Variants in CNTN5 observed in about 807,000 individuals in gnomAD.
CNTN5 encodes contactin-5.
CNTN5 carries 77 observed loss-of-function variants against 129.1 expected under a neutral mutation model. The observed-to-expected ratio is 0.60, with a 90% CI of 0.50 to 0.72. CNTN5 has a LOEUF of 0.72. Among genes scored for constraint, CNTN5 ranks in the 30% least tolerant of loss-of-function variants. The probability of loss-of-function intolerance (pLI) is 0.00; values close to 1 mark genes in which losing one functional copy is unlikely to be tolerated. For missense variants in CNTN5, 1,478 were observed against 1,328.8 expected (o/e 1.11, Z -1.75); for synonymous variants, 509 against 465.6 (o/e 1.09, Z -1.20).
intron 10 of CNTN5, among the ~76,000 whole-genome samples, chr11:100,062,351 A>G (rs929748435): frequency 6.6e-6 from 1 of 152,216 alleles, no homozygotes; most frequent in Non-Finnish European, 1.5e-5. Flanking sequence ...GTATTTTGAA[A>G]TATTAATAAC....
chr11:100,184,462 G>A (rs750398703), intron 13 of CNTN5, among the ~76,000 whole-genome samples: 19 of 152,100 alleles, frequency 1.2e-4, no homozygotes, highest in South Asian at 6.2e-4. Context: ...TGCTGAAAGC[G>A]GATGTATGCC....
rs181279611 is a variant in CNTN5 at position 99,767,726 on chromosome 11, C to G, written c.56-51818C>G. Reference sequence around the variant, plus strand: ...TTCTAAAGACCTGGACCTAAGTACTCTCTAACCTTCTCTTTATCTTGCTGA... The same window carrying G: ...TTCTAAAGACCTGGACCTAAGTACTGTCTAACCTTCTCTTTATCTTGCTGA... On this transcript the variant is annotated intron_variant, in intron 3 of 24. Transcript: ENST00000524871. Among the ~76,000 whole-genome samples, 233 of 151,780 alleles carry G rather than the reference C, an allele frequency of 1.5e-3. 1 individual carries two copies. The highest frequency in any genetic ancestry group is 5.4e-3 in the African/African-American group (223 of 41,456).
intron 3 of CNTN5, among the ~76,000 whole-genome samples, chr11:99,718,816 G>T (rs1245330614): frequency 1.3e-5 from 2 of 152,032 alleles, no homozygotes; most frequent in African/African-American, 4.8e-5. Context: ...GGAAAATAAA[G>T]TTCATAGACT....
At chr11:99,388,512 C>G (rs995380557) in intron 2 of CNTN5, among the ~76,000 whole-genome samples, 1 of 151,648 alleles carries the variant, frequency 6.6e-6, no homozygotes, top group African/African-American at 2.4e-5. Flanking sequence ...TAGTGCCATG[C>G]GTATCTTTGG....
chr11:100,127,018 C>T (rs1946203983), intron 13 of CNTN5, among the ~76,000 whole-genome samples: 1 of 150,218 alleles, frequency 6.7e-6, no homozygotes, highest in Admixed American at 6.7e-5. Flanking sequence ...TTTTCAGGCA[C>T]AATGGATCTT....
At position 99,478,334 on chromosome 11, in the gene CNTN5, C is replaced by T. The variant is rs1945460963; in HGVS notation, c.-70-77811C>T. On this transcript the variant is annotated intron_variant, in intron 2 of 24. Coordinates refer to ENST00000524871, the MANE Select transcript of CNTN5 (RefSeq NM_014361.4). ...GGGTTGCTGGACTGAGGGTCTTTGGCTGGGGGCCCACCCTCAGTTTCTTGC... is the reference window on the plus strand; with the variant it reads ...GGGTTGCTGGACTGAGGGTCTTTGGTTGGGGGCCCACCCTCAGTTTCTTGC... 3.9e-5 allele frequency among the ~76,000 whole-genome samples: 6 copies of T among 152,242 alleles called. No individual in the cohort carries two copies. In the South Asian group the frequency reaches 1.2e-3, roughly 32 times the overall value.
At chr11:100,113,507 AC>A (rs1484548815) in intron 13 of CNTN5, among the ~76,000 whole-genome samples, 1 of 150,846 alleles carries the variant, frequency 6.6e-6, no homozygotes, top group African/African-American at 2.4e-5. Context: ...AAACAAACAA[AC>A]AAAAAACTTT....
chr11:99,434,828 T>A lies in CNTN5; in HGVS notation c.-71+109344T>A, dbSNP rs544945653. On this transcript the variant is annotated intron_variant, in intron 2 of 24. Transcript: ENST00000524871. ...AAGACTCCTATTTATGCTAGGCATG[T>A]TGTTTTGACAATTCAAGAGAAATTT... Among the ~76,000 whole-genome samples, 21 of 152,294 alleles carry A rather than the reference T, an allele frequency of 1.4e-4. No individual in the cohort carries two copies. The South Asian group carries it at 3.3e-3, about 24-fold the overall frequency.
intron 6 of CNTN5, among the ~76,000 whole-genome samples, chr11:99,887,549 C>T (rs535437605): frequency 6.6e-6 from 1 of 152,300 alleles, no homozygotes; most frequent in Non-Finnish European, 1.5e-5. Context: ...CTCACACAAT[C>T]ACAAGGTGAA....
intron 2 of CNTN5, among the ~76,000 whole-genome samples, chr11:99,423,827 C>T (rs1024125955): frequency 5.7e-5 from 8 of 141,158 alleles, no homozygotes; most frequent in Non-Finnish European, 7.8e-5. Flanking sequence ...AGAGAGGCAG[C>T]ATAAGACTAG....
At chr11:99,918,470 C>T (rs914090143) in intron 7 of CNTN5, among the ~76,000 whole-genome samples, 3 of 152,092 alleles carry the variant, frequency 2.0e-5, no homozygotes, top group African/African-American at 7.2e-5. Context: ...TTTTACTATA[C>T]TTTTGTCAAA....
intron 15 of CNTN5, among the ~76,000 whole-genome samples, chr11:100,216,029 G>A (rs1012666607): frequency 2.0e-5 from 3 of 152,086 alleles, no homozygotes; most frequent in Non-Finnish European, 4.4e-5. Flanking sequence ...AAACAAACTG[G>A]CCTCATTCCA....
intron 9 of CNTN5, among the ~76,000 whole-genome samples, chr11:100,030,697 T>C (rs1220905486): frequency 7.6e-6 from 1 of 131,766 alleles, no homozygotes; most frequent in Admixed American, 7.2e-5. Flanking sequence ...ATTTTCTCTC[T>C]TTCTAGCTAG....
At chr11:99,121,766 G>A (rs77199705) in intron 1 of CNTN5, among the ~76,000 whole-genome samples, 8,885 of 152,018 alleles carry the variant, frequency 0.058, 275 homozygotes, top group African/African-American at 0.076. Context: ...CTAATGGTGG[G>A]TATCTTATTT....
At chr11:100,234,342 C>T (rs1949555976) in intron 16 of CNTN5, among the ~76,000 whole-genome samples, 1 of 152,136 alleles carries the variant, frequency 6.6e-6, no homozygotes, top group South Asian at 2.1e-4. Context: ...GACACATGCA[C>T]ATGTATGTTT....
chr11:99,730,530 T>C (rs910914104), intron 3 of CNTN5, among the ~76,000 whole-genome samples: 4 of 152,216 alleles, frequency 2.6e-5, no homozygotes, highest in African/African-American at 2.4e-5. Context: ...TCAATGAGTA[T>C]TGGTAATACT....
intron 3 of CNTN5, among the ~76,000 whole-genome samples, chr11:99,766,198 A>G (rs370143124): frequency 2.6e-5 from 4 of 152,218 alleles, no homozygotes; most frequent in Admixed American, 1.3e-4. Context: ...ACTAGAAGCA[A>G]TTTCAAAAGG....
At chr11:99,994,044 G>C (rs534316065) in intron 8 of CNTN5, among the ~76,000 whole-genome samples, 1 of 152,044 alleles carries the variant, frequency 6.6e-6, no homozygotes, top group Non-Finnish European at 1.5e-5. Context: ...TGAGGCTTAA[G>C]AATGCCTTTG....
At chr11:99,755,251 A>G (rs1210582348) in intron 3 of CNTN5, among the ~76,000 whole-genome samples, 2 of 152,188 alleles carry the variant, frequency 1.3e-5, no homozygotes, top group African/African-American at 2.4e-5. Context: ...AAGGAGTGCA[A>G]TTGTTGAATT....
Sources: allele counts gnomAD v4.1 joint callset (sites outside exome capture counted in the v4.1 genomes callset), GRCh38; gene constraint gnomAD v4.1.1; transcripts MANE v1.5; gene names NCBI Gene and HGNC (gene_info 2026-07-23, HGNC 2026-07-21).